LEF1: variants seen among roughly 807,000 people sequenced by gnomAD.
LEF1 encodes the protein lymphoid enhancer binding factor 1.
Under a neutral mutation model 51.2 loss-of-function variants are expected in LEF1, and 14 were observed. That is an observed-to-expected ratio of 0.27 (90% CI 0.18 to 0.43). LEF1 has a LOEUF of 0.43. LEF1 is among the 20% of genes least tolerant of loss of function. The pLI is 1.00. For missense variants in LEF1, 386 were observed against 512.0 expected, an observed-to-expected ratio of 0.75 and a Z score of 2.37; for synonymous variants, 185 against 183.2, an observed-to-expected ratio of 1.01 and a Z score of -0.08.
Position 108,063,605 on chromosome 4 carries a change from C to T in LEF1, c.*6+18G>A. 1.9e-6 allele frequency: 3 copies of T among 1,586,176 alleles called. No individual in the cohort carries two copies. The highest frequency in any genetic ancestry group is 2.6e-6 in the Non-Finnish European group (3 of 1,166,360). On this transcript the variant is annotated intron_variant, in intron 11 of 11. Transcript: ENST00000265165. ...ATAACAACTAACGTCAGCAGTAGGACCAGAGAGTCGTTCTTACCATGTTTC... is the reference window on the plus strand; with the variant it reads ...ATAACAACTAACGTCAGCAGTAGGATCAGAGAGTCGTTCTTACCATGTTTC...
rs2110434945 is a variant in LEF1, at chr4:108,168,435, C to T, written c.-668G>A. ...CGTTTTAGATCTTCTTATTTTCTTC[C>T]CTTTCGCTTCGGTTTTTCTTCTCGA... On this transcript the variant is annotated 5_prime_UTR_variant, in exon 1 of 12. Transcript: ENST00000265165. The surrounding 1 kb of genome is among the most constrained non-coding windows in gnomAD (Gnocchi z 4.6). 6.6e-6 allele frequency: 1 copy of T among 152,360 alleles called. No individual in the cohort carries two copies. The highest frequency in any genetic ancestry group is 1.9e-4 in the East Asian group (1 of 5,170). 9.4% of individuals were successfully genotyped at this position (152,360 alleles called of 1,614,324 possible). A position where few individuals can be genotyped will look rare whatever the true frequency, so the allele number is the denominator to read the frequency against.
chr4:108,075,895 T>G, intron 8 of LEF1, among the ~76,000 whole-genome samples: 1 of 152,184 alleles, frequency 6.6e-6, no homozygotes. Flanking sequence ...CTTTCTAGAA[T>G]CAAGACTCCT....
In LEF1 at chr4:108,163,561, T is replaced by C; in HGVS notation, c.414+7A>G. On this transcript the variant is annotated splice_region_variant and intron_variant, in intron 3 of 11. Coordinates refer to ENST00000265165, the MANE Select transcript of LEF1 (RefSeq NM_016269.5). ...AACATAATTTGCAACATCAGCATGT[T>C]ACTTACTGTTCTCGGGATGGGTGGA... The C allele has an allele frequency of 5.6e-6, 9 of 1,611,396 alleles. No individual in the cohort carries two copies. Among genetic ancestry groups the C allele is most frequent in the Non-Finnish European group, 7.6e-6 (9 of 1,179,038 alleles).
At chr4:108,120,473 G>T (rs1181366294) in intron 3 of LEF1, among the ~76,000 whole-genome samples, 1 of 152,178 alleles carries the variant, frequency 6.6e-6, no homozygotes, top group Non-Finnish European at 1.5e-5. Flanking sequence ...GGAAAGGAAA[G>T]AATTATTTTA....
At chr4:108,097,288 A>G (rs983876688) in intron 3 of LEF1, among the ~76,000 whole-genome samples, 1 of 152,236 alleles carries the variant, frequency 6.6e-6, no homozygotes, top group African/African-American at 2.4e-5. Flanking sequence ...ATTTGCAACA[A>G]CATGGATGGA....
chr4:108,162,685 G>GGGTTA (rs2097208546), intron 3 of LEF1, among the ~76,000 whole-genome samples: 2 of 152,010 alleles, frequency 1.3e-5, no homozygotes, highest in Admixed American at 1.3e-4. Context: ...TTTTCATTGG[G>GGGTTA]GGTTAGGTGA....
Position 108,064,343 on chromosome 4 carries a change from A to C in LEF1, c.1158T>G (p.Ser386=). The change falls in exon 10 of 12, where the codon TCT becomes TCG. Residue 386 remains serine (S), a synonymous_variant. Transcript: ENST00000265165. Reference sequence around the variant, plus strand: ...AAGTCTCATGGTGCCTACCTGATGCAGATTCCTGTAGTTTCTCTCTCTTCC... The same window carrying C: ...AAGTCTCATGGTGCCTACCTGATGCCGATTCCTGTAGTTTCTCTCTCTTCC... ...KKRKREKLQE[S]ASGTGPRMTA... 6.2e-7 allele frequency: 1 copy of C among 1,611,722 alleles called. No homozygotes were observed. The highest frequency in any genetic ancestry group is 8.5e-7 in the Non-Finnish European group (1 of 1,177,878).
At chr4:108,096,850 C>T (rs762320142) in intron 3 of LEF1, among the ~76,000 whole-genome samples, 2 of 152,180 alleles carry the variant, frequency 1.3e-5, no homozygotes, top group Non-Finnish European at 2.9e-5. Flanking sequence ...TGCTCAACAT[C>T]ATTAATCATC....
chr4:108,167,144 G>A lies in LEF1; in HGVS notation c.213+411C>T, dbSNP rs1488799012. Among the ~76,000 whole-genome samples, 1 of 152,142 alleles carries A rather than the reference G, an allele frequency of 6.6e-6. No individual in the cohort carries two copies. Among genetic ancestry groups the A allele is most frequent in the African/African-American group, 2.4e-5 (1 of 41,426 alleles). On this transcript the variant is annotated intron_variant, in intron 1 of 11. Transcript: ENST00000265165. This position sits in a 1 kb window ranked among gnomAD's most constrained non-coding sequence, Gnocchi z 5.7. Reference sequence around the variant, plus strand: ...GCAGAGACATCTACCAAGAGATAGCGTGTGCACTTTGTTTTCCGTCCCACG... The same window carrying A: ...GCAGAGACATCTACCAAGAGATAGCATGTGCACTTTGTTTTCCGTCCCACG...
chr4:108,150,629 A>G (rs929428812), intron 3 of LEF1, among the ~76,000 whole-genome samples: 1 of 152,168 alleles, frequency 6.6e-6, no homozygotes, highest in Non-Finnish European at 1.5e-5. Context: ...CACTTCTGAG[A>G]GATGAACTGA....
intron 11 of LEF1, among the ~76,000 whole-genome samples, chr4:108,059,023 C>A (rs1409896749): frequency 1.3e-5 from 2 of 152,230 alleles, no homozygotes; most frequent in African/African-American, 4.8e-5. Flanking sequence ...AGCTTGGGGA[C>A]CACCATCTCC....
Position 108,168,901 on chromosome 4 carries a change from A to C in LEF1, c.-1134T>G, listed in dbSNP as rs1297959373. 6.6e-6 allele frequency: 1 copy of C among 152,078 alleles called. No homozygotes were observed. Among genetic ancestry groups the C allele is most frequent in the African/African-American group, 2.4e-5 (1 of 41,402 alleles). 9.4% of individuals were successfully genotyped at this position (152,078 alleles called of 1,614,324 possible). A position where few individuals can be genotyped will look rare whatever the true frequency, so the allele number is the denominator to read the frequency against. On this transcript the variant is annotated 5_prime_UTR_variant, in exon 1 of 12. Transcript: ENST00000265165. This position sits in a 1 kb window ranked among gnomAD's most constrained non-coding sequence, Gnocchi z 4.6. The stretch of plus-strand genomic sequence containing the variant: ...GTCCCTCCTCCGCGCCCTGCCCCGC[A>C]GGTGAGCGGCTGCGCCTCCCCACTG...
intron 8 of LEF1, among the ~76,000 whole-genome samples, chr4:108,076,497 T>A (rs1456972762): frequency 6.6e-6 from 1 of 152,078 alleles, no homozygotes; most frequent in Non-Finnish European, 1.5e-5. Flanking sequence ...TGCCTCAGCC[T>A]CCCGAGTAGC....
chr4:108,059,890 G>A (rs1173158611), intron 11 of LEF1, among the ~76,000 whole-genome samples: 1 of 152,114 alleles, frequency 6.6e-6, no homozygotes, highest in Admixed American at 6.6e-5. Context: ...TTGCCATGTT[G>A]CTCAGACTGG....
intron 8 of LEF1, chr4:108,072,872 A>G (rs1240651063): frequency 1.3e-5 from 2 of 152,104 alleles, no homozygotes; most frequent in Non-Finnish European, 2.9e-5. Context: ...GAAAAACCAA[A>G]CTGGATACAA....
At position 108,166,373 on chromosome 4, in the gene LEF1, G is replaced by T. The variant is rs1250893283; in HGVS notation, c.213+1182C>A. 4.7e-6 allele frequency: 7 copies of T among 1,478,622 alleles called. No individual in the cohort carries two copies. In the East Asian group the frequency reaches 1.5e-4, roughly 32 times the overall value. 91.6% of individuals were successfully genotyped at this position (1,478,622 alleles called of 1,614,324 possible). A position where few individuals can be genotyped will look rare whatever the true frequency, so the allele number is the denominator to read the frequency against. ...TCAAAACCACACACTTTCTTTTTGGGGGTAGAAAGATGCCATTTAAGGAAA... is the reference window on the plus strand; with the variant it reads ...TCAAAACCACACACTTTCTTTTTGGTGGTAGAAAGATGCCATTTAAGGAAA... On this transcript the variant is annotated intron_variant, in intron 1 of 11. Transcript: ENST00000265165.
At chr4:108,089,420 A>T (rs1214846140) in intron 3 of LEF1, among the ~76,000 whole-genome samples, 163 bp from the exon 4 acceptor site, 2 of 152,144 alleles carry the variant, frequency 1.3e-5, no homozygotes, top group African/African-American at 2.4e-5. Context: ...AATTTTTCTG[A>T]ATTTTTCCAT....
At chr4:108,065,633 T>TCAATG (rs2126268805) in intron 9 of LEF1, among the ~76,000 whole-genome samples, 1 of 152,254 alleles carries the variant, frequency 6.6e-6, no homozygotes, top group South Asian at 2.1e-4. Flanking sequence ...AATGGCCAAG[T>TCAATG]GACATGAAGA....
chr4:108,153,517 G>A (rs1744494820), intron 3 of LEF1, among the ~76,000 whole-genome samples: 1 of 152,160 alleles, frequency 6.6e-6, no homozygotes, highest in Non-Finnish European at 1.5e-5. Flanking sequence ...AAAATTATCA[G>A]CCTCAAAACA....
Sources: gnomAD v4.1 joint callset for allele counts (sites outside exome capture counted in the v4.1 genomes callset) on GRCh38, gnomAD v4.1.1 for gene constraint, Gnocchi (gnomAD v3.1) non-coding constraint, MANE v1.5 for transcripts, NCBI Gene and HGNC (gene_info 2026-07-23, HGNC 2026-07-21) for gene names.